TSGA10: variants seen among roughly 807,000 people sequenced by gnomAD.
TSGA10 encodes testis-specific gene 10 protein.
Under a neutral mutation model 96.6 loss-of-function variants are expected in TSGA10, and 43 were observed. The ratio of observed to expected loss-of-function variants is 0.44; its 90% CI spans 0.35 to 0.57. The LOEUF is 0.57. Ranked by LOEUF, TSGA10 falls within the 20% of genes least tolerant of loss-of-function variation. TSGA10 has a pLI of 0.01. For missense variants in TSGA10, 703 were observed against 834.4 expected (o/e 0.84, Z 1.94); for synonymous variants, 229 against 269.9 (o/e 0.85, Z 1.48).
intron 16 of TSGA10, among the ~76,000 whole-genome samples, chr2:99,049,636 A>AT (rs1484915450): frequency 2.5e-4 from 38 of 152,130 alleles, no homozygotes; most frequent in African/African-American, 8.9e-4. Flanking sequence ...TGTAGGTGAC[A>AT]GGTTGATAAG....
At chr2:99,014,893 A>G (rs572712583) in intron 20 of TSGA10, among the ~76,000 whole-genome samples, 1 of 152,320 alleles carries the variant, frequency 6.6e-6, no homozygotes, top group East Asian at 1.9e-4. Flanking sequence ...AATCTAGAGG[A>G]GATGGATAAA....
chr2:99,127,132 AGAAACTG>A lies in TSGA10; in HGVS notation c.-583_-577del. 1 of 1,289,562 alleles carries A rather than the reference AGAAACTG, an allele frequency of 7.8e-7. No homozygotes were observed. Among genetic ancestry groups the A allele is most frequent in the South Asian group, 1.2e-5 (1 of 80,952 alleles). 79.9% of individuals were successfully genotyped at this position (1,289,562 alleles called of 1,614,324 possible). Reference sequence around the variant, plus strand: ...GAGTATTCTGGTAGTTTTCAGCTTCAGAAACTGGAGCCCCTAGACCAAAATCATATTC... The same window carrying A: ...GAGTATTCTGGTAGTTTTCAGCTTCAGAGCCCCTAGACCAAAATCATATTC... On this transcript the variant is annotated 5_prime_UTR_variant, in exon 2 of 21. Transcript: ENST00000393483.
chr2:99,035,081 A>G (rs965823861), intron 17 of TSGA10, 149 bp downstream of exon 17: 1 of 587,176 alleles, frequency 1.7e-6, no homozygotes, highest in Admixed American at 3.3e-5. Context: ...TACAGCTGTC[A>G]TAAACTAACC....
At chr2:99,004,120 C>T (rs1472136560) in intron 20 of TSGA10, among the ~76,000 whole-genome samples, 1 of 152,176 alleles carries the variant, frequency 6.6e-6, no homozygotes, top group Non-Finnish European at 1.5e-5. Flanking sequence ...GGGGATATCA[C>T]CACTGATCCC....
intron 18 of TSGA10, among the ~76,000 whole-genome samples, chr2:99,020,046 A>G (rs2079870589): frequency 6.6e-6 from 1 of 152,208 alleles, no homozygotes; most frequent in Admixed American, 6.5e-5. Flanking sequence ...ATTTTAGATC[A>G]GACATTCTAT....
chr2:99,081,072 T>C (rs1008395790), intron 11 of TSGA10, among the ~76,000 whole-genome samples: 5 of 152,170 alleles, frequency 3.3e-5, no homozygotes, highest in African/African-American at 1.2e-4. Context: ...ACTTCATTGA[T>C]AAATTTTAAC....
chr2:99,032,361 G>A lies in TSGA10; in HGVS notation c.1614+2869C>T, dbSNP rs147521598. Reference sequence around the variant, plus strand: ...ATCTAAGACTATCAACAAAAGGAACGCTGCATTTAAAAGAAAATACCAAGT... The same window carrying A: ...ATCTAAGACTATCAACAAAAGGAACACTGCATTTAAAAGAAAATACCAAGT... On this transcript the variant is annotated intron_variant, in intron 17 of 20. Coordinates refer to ENST00000393483, the MANE Select transcript of TSGA10 (RefSeq NM_025244.4). 3.9e-5 allele frequency among the ~76,000 whole-genome samples: 6 copies of A among 152,208 alleles called. No individual in the cohort carries two copies. In the East Asian group the frequency reaches 1.2e-3, roughly 29 times the overall value.
intron 7 of TSGA10, among the ~76,000 whole-genome samples, chr2:99,106,916 G>A (rs188193849): frequency 1.3e-5 from 2 of 152,156 alleles, no homozygotes; most frequent in East Asian, 1.9e-4. Context: ...CTGAAGGCTC[G>A]AAGCTCACCT....
At chr2:99,078,943 T>C (rs115615518) in intron 11 of TSGA10, 130 bp from the exon 12 acceptor site, 9,271 of 781,900 alleles carry the variant, frequency 0.012, 63 homozygotes, top group Middle Eastern at 0.023. Context: ...TAACAATGAG[T>C]ACTATATCCC....
intron 16 of TSGA10, among the ~76,000 whole-genome samples, chr2:99,054,777 T>C (rs1241390281): frequency 1.3e-5 from 2 of 152,098 alleles, no homozygotes; most frequent in South Asian, 2.1e-4. Context: ...TAGGGCAACA[T>C]TGCTAATTAT....
chr2:99,020,250 GACTTT>G (rs1220623540), intron 18 of TSGA10, 25 bp downstream of exon 18: 3 of 1,579,570 alleles, frequency 1.9e-6, no homozygotes, highest in East Asian at 2.2e-5. Flanking sequence ...TAAGATGTAT[GACTTT>G]ACTTTATATT....
At chr2:99,011,105 C>A (rs1227357612) in intron 20 of TSGA10, among the ~76,000 whole-genome samples, 1 of 152,188 alleles carries the variant, frequency 6.6e-6, no homozygotes, top group Non-Finnish European at 1.5e-5. Context: ...CTAACCCTGC[C>A]CCGACCTAAA....
chr2:99,114,587 T>C (rs2092094007), intron 4 of TSGA10, among the ~76,000 whole-genome samples: 1 of 152,174 alleles, frequency 6.6e-6, no homozygotes, highest in Admixed American at 6.5e-5. Flanking sequence ...TTCCACATTA[T>C]TTATGAAGAT....
At chr2:99,024,265 T>C (rs2080334165) in intron 17 of TSGA10, among the ~76,000 whole-genome samples, 1 of 152,044 alleles carries the variant, frequency 6.6e-6, no homozygotes, top group Non-Finnish European at 1.5e-5. Flanking sequence ...AATTTTTGTA[T>C]TTTTAGTAGA....
intron 1 of TSGA10, among the ~76,000 whole-genome samples, chr2:99,139,545 G>T (rs899653143): frequency 6.6e-6 from 1 of 152,080 alleles, no homozygotes; most frequent in African/African-American, 2.4e-5. Context: ...TAGACTTATA[G>T]ACATTGAAGT....
intron 15 of TSGA10, among the ~76,000 whole-genome samples, chr2:99,067,985 A>G (rs1335232621): frequency 6.6e-6 from 1 of 152,198 alleles, no homozygotes; most frequent in Non-Finnish European, 1.5e-5. Flanking sequence ...GATGGGAAGA[A>G]TCAGAGAGGC....
intron 20 of TSGA10, among the ~76,000 whole-genome samples, chr2:99,003,343 T>C (rs755023336): frequency 2.0e-5 from 3 of 152,000 alleles, no homozygotes; most frequent in East Asian, 1.9e-4. Flanking sequence ...TCCCACAAAA[T>C]AATAATGGGG....
At chr2:99,001,504 G>A (rs1031126589) in intron 20 of TSGA10, among the ~76,000 whole-genome samples, 1 of 152,184 alleles carries the variant, frequency 6.6e-6, no homozygotes, top group South Asian at 2.1e-4. Context: ...ACCGAAGGTA[G>A]ATTAAAACCA....
intron 14 of TSGA10, among the ~76,000 whole-genome samples, chr2:99,070,278 T>C (rs571343666): frequency 6.6e-6 from 1 of 152,232 alleles, no homozygotes; most frequent in South Asian, 2.1e-4. Context: ...GTCTCACTTA[T>C]TAACCATTTT....
Sources: allele counts gnomAD v4.1 joint callset (sites outside exome capture counted in the v4.1 genomes callset), GRCh38; gene constraint gnomAD v4.1.1; transcripts MANE v1.5; gene names NCBI Gene and HGNC (gene_info 2026-07-23, HGNC 2026-07-21).